The following TSPAN12 variants were observed in gnomAD, a reference collection of about 807,000 sequenced individuals.
TSPAN12 encodes the protein tetraspanin 12.
Under a neutral mutation model 39.2 loss-of-function variants are expected in TSPAN12, and 19 were observed. That is an observed-to-expected ratio of 0.49 (90% CI 0.34 to 0.71). TSPAN12 has a LOEUF of 0.71. TSPAN12 is among the 30% of genes least tolerant of loss of function. The pLI is 0.01. For synonymous variants in TSPAN12, 119 were observed against 124.8 expected (o/e 0.95, Z 0.31); for missense variants, 314 against 359.9 (o/e 0.87, Z 1.03).
chr7:120,850,986 G>A (rs960563121), intron 2 of TSPAN12, among the ~76,000 whole-genome samples: 12 of 152,068 alleles, frequency 7.9e-5, no homozygotes, highest in Admixed American at 7.9e-4. Context: ...CACCGCGTCC[G>A]GCTGACTAAA....
chr7:120,789,283 G>T (rs543219666), intron 7 of TSPAN12, among the ~76,000 whole-genome samples: 11 of 152,326 alleles, frequency 7.2e-5, no homozygotes, highest in African/African-American at 2.4e-4. Flanking sequence ...CCCTGCCACT[G>T]TCACAAGAAA....
intron 3 of TSPAN12, among the ~76,000 whole-genome samples, chr7:120,839,576 G>A (rs1584948854): frequency 6.6e-6 from 1 of 152,204 alleles, no homozygotes; most frequent in East Asian, 1.9e-4. Flanking sequence ...TCCATTCAGA[G>A]ATGATGGAGT....
At chr7:120,825,935 A>G (rs1794277908) in intron 4 of TSPAN12, among the ~76,000 whole-genome samples, 1 of 152,204 alleles carries the variant, frequency 6.6e-6, no homozygotes, top group Non-Finnish European at 1.5e-5. Context: ...GAATCAGGTC[A>G]GCCTGATTTA....
chr7:120,794,104 A>G (rs1793584867), intron 7 of TSPAN12, among the ~76,000 whole-genome samples: 1 of 152,094 alleles, frequency 6.6e-6, no homozygotes, highest in Non-Finnish European at 1.5e-5. Context: ...TGACTTTCCA[A>G]TTCTGTTTAT....
chr7:120,835,682 TA>T (rs1179529940), intron 4 of TSPAN12, among the ~76,000 whole-genome samples: 6 of 152,060 alleles, frequency 3.9e-5, no homozygotes, highest in East Asian at 1.9e-4. Context: ...ACTCTTCATT[TA>T]AAAAAAATTC....
chr7:120,824,817 AAGTC>A (rs1794254107), intron 4 of TSPAN12, among the ~76,000 whole-genome samples: 1 of 152,196 alleles, frequency 6.6e-6, no homozygotes, highest in African/African-American at 2.4e-5. Context: ...TTCTCTAACA[AAGTC>A]AATCAATTTA....
At chr7:120,855,172 A>T (rs1794848267) in intron 2 of TSPAN12, among the ~76,000 whole-genome samples, 2 of 152,238 alleles carry the variant, frequency 1.3e-5, no homozygotes. Context: ...CAACAATCTT[A>T]GTAATTCTAA....
At chr7:120,827,104 G>T (rs369045574) in intron 4 of TSPAN12, among the ~76,000 whole-genome samples, 12 of 150,402 alleles carry the variant, frequency 8.0e-5, no homozygotes, top group African/African-American at 2.5e-4. Flanking sequence ...TAGATTAGGC[G>T]AAAGAAAACT....
At chr7:120,790,802 G>A (rs1793507582) in intron 7 of TSPAN12, among the ~76,000 whole-genome samples, 1 of 152,162 alleles carries the variant, frequency 6.6e-6, no homozygotes, top group Admixed American at 6.5e-5. Context: ...TTTGGCTTCA[G>A]ACATCTGGAA....
At chr7:120,833,788 A>T (rs1463586065) in intron 4 of TSPAN12, among the ~76,000 whole-genome samples, 2 of 152,170 alleles carry the variant, frequency 1.3e-5, no homozygotes, top group Non-Finnish European at 2.9e-5. Flanking sequence ...ATCTGTTTAC[A>T]TTCCCCCTGA....
Position 120,810,565 on chromosome 7 carries a change from T to C in TSPAN12, c.366A>G (p.Pro122=), listed in dbSNP as rs780145161. 1 of 1,611,428 alleles carries C rather than the reference T, an allele frequency of 6.2e-7. No homozygotes were observed. Among genetic ancestry groups the C allele is most frequent in the South Asian group, 1.1e-5 (1 of 91,018 alleles). The change falls in exon 6 of 8, where the codon CCA becomes CCG. Residue 122 remains proline (P), a synonymous_variant. Transcript: ENST00000222747. Reference sequence around the variant, plus strand: ...AAGTGACCATATCTGACCATTGTACTGGAACCTGGTGATAAAAAGCAAAAT... The same window carrying C: ...AAGTGACCATATCTGACCATTGTACCGGAACCTGGTGATAAAAAGCAAAAT... ...VWTYEQELMV[P]VQWSDMVTLK...
chr7:120,829,571 G>A (rs1228923990), intron 4 of TSPAN12, among the ~76,000 whole-genome samples: 1 of 152,064 alleles, frequency 6.6e-6, no homozygotes, highest in African/African-American at 2.4e-5. Context: ...TTTGCCAAAG[G>A]AAGTTAGTAG....
chr7:120,852,126 T>G (rs968531899), intron 2 of TSPAN12, among the ~76,000 whole-genome samples: 7 of 152,250 alleles, frequency 4.6e-5, no homozygotes, highest in African/African-American at 1.7e-4. Flanking sequence ...GTTTGATTTT[T>G]GACTCTCAGA....
intron 4 of TSPAN12, among the ~76,000 whole-genome samples, chr7:120,824,605 C>T (rs766585588): frequency 6.6e-6 from 1 of 152,076 alleles, no homozygotes; most frequent in Non-Finnish European, 1.5e-5. Context: ...ATTCTATTGC[C>T]TCTCAATGAA....
intron 6 of TSPAN12, among the ~76,000 whole-genome samples, chr7:120,807,936 T>A (rs1457791408): frequency 6.6e-6 from 1 of 152,118 alleles, no homozygotes; most frequent in Non-Finnish European, 1.5e-5. Flanking sequence ...CATCACAAAT[T>A]TAGTCAATAA....
intron 6 of TSPAN12, among the ~76,000 whole-genome samples, chr7:120,809,081 T>TA (rs1020662997): frequency 6.6e-6 from 1 of 151,870 alleles, no homozygotes; most frequent in Non-Finnish European, 1.5e-5. Context: ...TAAGGGATTT[T>TA]AAAAACCTCA....
At chr7:120,835,609 C>T (rs1288461345) in intron 4 of TSPAN12, among the ~76,000 whole-genome samples, 4 of 152,068 alleles carry the variant, frequency 2.6e-5, no homozygotes, top group African/African-American at 4.8e-5. Context: ...AAGGGTAATT[C>T]AAAGTTTTAG....
At position 120,856,803 on chromosome 7, in the gene TSPAN12, A is replaced by T. The variant is rs775863169; in HGVS notation, c.-40T>A. 6.2e-7 allele frequency: 1 copy of T among 1,610,556 alleles called. No homozygotes were observed. Among genetic ancestry groups the T allele is most frequent in the East Asian group, 2.2e-5 (1 of 44,842 alleles). The stretch of plus-strand genomic sequence containing the variant: ...GGGAGAAGCCCCATCCTTTCACCAC[A>T]TCCTACTCCCAAGGGCAAAACGGCA... On this transcript the variant is annotated 5_prime_UTR_variant, in exon 2 of 8. The change abolishes an upstream ATG in the 5' untranslated region. Transcript: ENST00000222747.
chr7:120,847,340 G>T (rs1260909905), intron 2 of TSPAN12, among the ~76,000 whole-genome samples: 1 of 151,862 alleles, frequency 6.6e-6, no homozygotes, highest in African/African-American at 2.4e-5. Flanking sequence ...TTCTCAGTCA[G>T]TCTGAAAGAT....
Sources: gnomAD v4.1 joint callset for allele counts (sites outside exome capture counted in the v4.1 genomes callset) on GRCh38, gnomAD v4.1.1 for gene constraint, MANE v1.5 for transcripts, NCBI Gene and HGNC (gene_info 2026-07-23, HGNC 2026-07-21) for gene names.